The following DAB1 variants were observed in gnomAD, a reference collection of about 807,000 sequenced individuals.
DAB1 encodes the protein disabled homolog 1.
Under a neutral mutation model 64.6 loss-of-function variants are expected in DAB1, and 15 were observed. That is an observed-to-expected ratio of 0.23 (90% CI 0.16 to 0.36). The LOEUF (loss-of-function observed/expected upper bound fraction) is 0.36, where lower values mean the gene tolerates loss of function less well. DAB1 is among the 10% of genes least tolerant of loss of function. The pLI, the probability that DAB1 is intolerant of heterozygous loss-of-function variation, is 1.00. For missense variants in DAB1, 596 were observed against 706.7 expected, an observed-to-expected ratio of 0.84 and a Z score of 1.78; for synonymous variants, 235 against 251.9, an observed-to-expected ratio of 0.93 and a Z score of 0.64.
intron 7 of DAB1, among the ~76,000 whole-genome samples, chr1:57,613,880 G>T (rs1239883897): frequency 6.6e-6 from 1 of 152,168 alleles, no homozygotes; most frequent in Admixed American, 6.5e-5. Flanking sequence ...TCCTGGGCAA[G>T]TCAAAGTACT....
chr1:58,219,537 A>G (rs1272223584), intron 4 of DAB1, among the ~76,000 whole-genome samples: 1 of 152,150 alleles, frequency 6.6e-6, no homozygotes, highest in African/African-American at 2.4e-5. Context: ...GCCACTTTCC[A>G]GTTCCTCTAA....
chr1:57,165,698 GAA>G (rs1661159631), intron 2 of DAB1, among the ~76,000 whole-genome samples: 1 of 152,186 alleles, frequency 6.6e-6, no homozygotes, highest in South Asian at 2.1e-4. Flanking sequence ...TTGAGATCAA[GAA>G]ACTTGCCCAG....
At chr1:57,223,618 G>A (rs1306770188) in intron 2 of DAB1, among the ~76,000 whole-genome samples, 1 of 152,138 alleles carries the variant, frequency 6.6e-6, no homozygotes, top group Non-Finnish European at 1.5e-5. Context: ...ATGATCCCTG[G>A]GCAGGCACTA....
intron 5 of DAB1, among the ~76,000 whole-genome samples, chr1:58,003,634 G>A (rs777242787): frequency 2.6e-5 from 4 of 152,078 alleles, no homozygotes; most frequent in South Asian, 2.1e-4. Context: ...CCTGCACTCC[G>A]GGGTCCACAT....
intron 3 of DAB1, among the ~76,000 whole-genome samples, chr1:58,449,094 C>T (rs544971876): frequency 5.3e-5 from 8 of 152,300 alleles, no homozygotes; most frequent in South Asian, 4.1e-4. Context: ...TACATCCACG[C>T]GTGCATGAAT....
rs1342405229 is a variant in DAB1 at position 57,702,742 on chromosome 1, C to T, written n.552-53077G>A. ...GAAGTCAGGCAAATTCTTAGTAAGT[C>T]TAGATTCCTAACAAAGCTGAAGGCA... On this transcript the variant is annotated intron_variant and non_coding_transcript_variant, in intron 6 of 20. Transcript: ENST00000485760. 2.0e-5 allele frequency among the ~76,000 whole-genome samples: 3 copies of T among 152,010 alleles called. No individual in the cohort carries two copies. The East Asian group carries it at 5.8e-4, about 29-fold the overall frequency.
intron 3 of DAB1, among the ~76,000 whole-genome samples, chr1:58,435,635 T>C (rs1644934939): frequency 6.6e-6 from 1 of 152,158 alleles, no homozygotes; most frequent in African/African-American, 2.4e-5. Context: ...AATTCCCTCC[T>C]GCCTAGCCCC....
At chr1:57,592,777 G>A (rs1407382186) in intron 7 of DAB1, among the ~76,000 whole-genome samples, 4 of 152,178 alleles carry the variant, frequency 2.6e-5, no homozygotes, top group Admixed American at 6.5e-5. Context: ...CTAAGATGAC[G>A]GTGTTAGCAG....
At chr1:58,415,663 C>T (rs1569746599) in intron 3 of DAB1, among the ~76,000 whole-genome samples, 1 of 152,184 alleles carries the variant, frequency 6.6e-6, no homozygotes, top group African/African-American at 2.4e-5. Context: ...CCTCCCTACC[C>T]ATTCATTTGT....
At chr1:57,553,506 A>AAGGAAGGAAGGAAGAAAGAG (rs1558487480) in intron 7 of DAB1, among the ~76,000 whole-genome samples, 1 of 8,352 alleles carries the variant, frequency 1.2e-4, no homozygotes, top group Non-Finnish European at 1.8e-3. Flanking sequence ...GGAAGGAAGG[A>AAGGAAGGAAGGAAGAAAGAG]AGAGAGAGAG....
chr1:58,398,339 C>T (rs1399553431), intron 3 of DAB1, among the ~76,000 whole-genome samples: 1 of 152,236 alleles, frequency 6.6e-6, no homozygotes, highest in African/African-American at 2.4e-5. Context: ...CACCAACCTA[C>T]CTTGCTACAT....
At chr1:56,999,548 A>G (rs950897187) in intron 14 of DAB1, among the ~76,000 whole-genome samples, 7 of 152,102 alleles carry the variant, frequency 4.6e-5, no homozygotes, top group Admixed American at 3.9e-4. Flanking sequence ...ATAAAAACTG[A>G]AGTTCTGAAA....
chr1:58,064,871 C>T (rs1428507832), intron 5 of DAB1, among the ~76,000 whole-genome samples: 1 of 152,066 alleles, frequency 6.6e-6, no homozygotes, highest in Admixed American at 6.5e-5. Context: ...TACAGGCGCC[C>T]GCCACCACGC....
chr1:58,079,584 G>A (rs1456310623), intron 5 of DAB1, among the ~76,000 whole-genome samples: 1 of 130,492 alleles, frequency 7.7e-6, no homozygotes, highest in East Asian at 2.5e-4. Flanking sequence ...GTGCAATGGC[G>A]CAATCTCGGC....
intron 1 of DAB1, among the ~76,000 whole-genome samples, chr1:58,535,111 T>G (rs1487625999): frequency 6.6e-6 from 1 of 152,182 alleles, no homozygotes; most frequent in Non-Finnish European, 1.5e-5. Context: ...ACTCACAGAT[T>G]GAAAGGAAAT....
rs1032920742 is a variant in DAB1, at chr1:58,277,045, T to C, written n.309+66307A>G. Among the ~76,000 whole-genome samples the C allele has an allele frequency of 6.9e-5, 10 of 144,028 alleles. No homozygotes were observed. The South Asian group carries it at 9.2e-4, about 13-fold the overall frequency. The allele number at this position is 144,028 out of a possible 152,430, so 94.5% of individuals were successfully genotyped here. On this transcript the variant is annotated intron_variant and non_coding_transcript_variant, in intron 4 of 20. Coordinates refer to the DAB1 transcript ENST00000485760. The stretch of plus-strand genomic sequence containing the variant: ...GCAGAGACTTTTTTTTTCTTTTTTT[T>C]TTTTTTTTTTTTGAGACAGAGTCTC...
intron 7 of DAB1, among the ~76,000 whole-genome samples, chr1:57,617,904 G>T (rs148514930): frequency 6.6e-6 from 1 of 152,102 alleles, no homozygotes; most frequent in Non-Finnish European, 1.5e-5. Context: ...TAAATATCTG[G>T]TGATTTCCAC....
chr1:57,242,160 G>A (rs1038845647), intron 2 of DAB1, among the ~76,000 whole-genome samples: 9 of 152,158 alleles, frequency 5.9e-5, no homozygotes, highest in Non-Finnish European at 1.3e-4. Context: ...AAAGGTTGGA[G>A]AACACAGCAT....
rs1553173020 is a variant in DAB1 at position 58,288,038 on chromosome 1, A to AAAG, written n.309+55313_309+55314insCTT. On this transcript the variant is annotated intron_variant and non_coding_transcript_variant, in intron 4 of 20. Transcript: ENST00000485760. Reference sequence around the variant, plus strand: ...CTGCCTCAAAAAAAAAAAAAAAAAAAAAAAAAAGAAAAAAAAGAGCAGCAA... The same window carrying AAAG: ...CTGCCTCAAAAAAAAAAAAAAAAAAAAAGAAAAAAAGAAAAAAAAGAGCAGCAA... Among the ~76,000 whole-genome samples, 1,165 of 122,632 alleles carry AAAG rather than the reference A, an allele frequency of 9.5e-3. 89 individuals carry two copies. The highest frequency in any genetic ancestry group is 0.019 in the East Asian group (80 of 4,138). The allele number at this position is 122,632 out of a possible 152,430, so 80.5% of individuals were successfully genotyped here.
Sources: allele counts gnomAD v4.1 joint callset (sites outside exome capture counted in the v4.1 genomes callset), GRCh38; gene constraint gnomAD v4.1.1; transcripts MANE v1.5; gene names NCBI Gene and HGNC (gene_info 2026-07-23, HGNC 2026-07-21).